The following SLC23A3 variants were observed in gnomAD, a reference collection of about 807,000 sequenced individuals.
SLC23A3 encodes solute carrier family 23 member 3, also known as E2-binding protein 3.
A neutral mutation model predicts 64.7 loss-of-function variants in SLC23A3; 41 were observed. That is an observed-to-expected ratio of 0.63 (90% CI 0.49 to 0.82). SLC23A3 has a LOEUF of 0.82. Ranked by LOEUF, SLC23A3 falls within the 40% of genes least tolerant of loss-of-function variation. The pLI, the probability that SLC23A3 is intolerant of heterozygous loss-of-function variation, is 0.00. For missense variants in SLC23A3, 647 were observed against 733.4 expected, an observed-to-expected ratio of 0.88 and a Z score of 1.36; for synonymous variants, 281 against 306.8, an observed-to-expected ratio of 0.92 and a Z score of 0.88.
At position 219,165,432 on chromosome 2, in the gene SLC23A3, G is replaced by C; in HGVS notation, c.914-10C>G. 1 of 1,540,908 alleles carries C rather than the reference G, an allele frequency of 6.5e-7. No homozygotes were observed. Among genetic ancestry groups the C allele is most frequent in the Non-Finnish European group, 8.7e-7 (1 of 1,143,746 alleles). ...GGCCAATTCCACTCACCTGGGGAGG[G>C]AGAAGAAGCCACTTTGGGGCCAGAC... On this transcript the variant is annotated splice_polypyrimidine_tract_variant and intron_variant, in intron 7 of 11. Transcript: ENST00000409878.
rs2106379996 is a variant in SLC23A3 at position 219,169,022 on chromosome 2, T to C, written c.492+7A>G. On this transcript the variant is annotated splice_region_variant and intron_variant, in intron 4 of 11. Coordinates refer to ENST00000409878, the MANE Select transcript of SLC23A3 (RefSeq NM_001144889.2). This position sits in a 1 kb window ranked among gnomAD's most constrained non-coding sequence, Gnocchi z 4.5. ...ACCCTTATCCCTTCTCACCTCCAGA[T>C]ACCCACCTCCTGGAGAGAAGTGTTC... 6.2e-7 allele frequency: 1 copy of C among 1,612,332 alleles called. No homozygotes were observed. Among genetic ancestry groups the C allele is most frequent in the East Asian group, 2.2e-5 (1 of 44,882 alleles).
Position 219,168,232 on chromosome 2 carries a change from G to A in SLC23A3, c.761C>T (p.Ser254Leu). Residue 254 changes from serine to leucine, a missense_variant, in exon 6 of 12, where the codon TCA (serine) becomes TTA (leucine). Physicochemically the swap from Ser to Leu is moderately radical, Grantham distance 145. Transcript: ENST00000409878. ...VCPWRRASTS[S>L]THTPLPVFRL... ...GAAGACAGGGAGAGGAGTGTGAGTT[G>A]ATGACGTTGAAGCTCGCCTCCAGGG... 6.2e-7 allele frequency: 1 copy of A among 1,614,074 alleles called. No individual in the cohort carries two copies. The highest frequency in any genetic ancestry group is 8.5e-7 in the Non-Finnish European group (1 of 1,179,968).
In SLC23A3 at chr2:219,169,951, G is replaced by A. The variant is rs762235085; in HGVS notation, c.34C>T (p.Arg12Ter). 10 of 1,613,932 alleles carry A rather than the reference G, an allele frequency of 6.2e-6. No homozygotes were observed. Among genetic ancestry groups the A allele is most frequent in the African/African-American group, 2.7e-5 (2 of 74,910 alleles). Reference sequence around the variant, plus strand: ...AGGGCATCCTGGGAGCCCACTGATCGGAGTTGGCTGGGATTGAGGGGTGAT... The same window carrying A: ...AGGGCATCCTGGGAGCCCACTGATCAGAGTTGGCTGGGATTGAGGGGTGAT... ...SRSPLNPSQL[R>*]SVGSQDALAP... Residue 12 changes from arginine to a stop codon, truncating the protein, a stop_gained, in exon 1 of 12, where the codon CGA becomes TGA. Transcript: ENST00000409878. LOFTEE classifies it high-confidence loss of function. The surrounding 1 kb of genome is among the most constrained non-coding windows in gnomAD (Gnocchi z 4.5).
rs1949946794 is a variant in SLC23A3 at position 219,161,927 on chromosome 2, C to G, written c.1815G>C (p.Gly605=). 1 of 1,575,914 alleles carries G rather than the reference C, an allele frequency of 6.3e-7. No individual in the cohort carries two copies. The highest frequency in any genetic ancestry group is 1.4e-5 in the African/African-American group (1 of 73,372). Residue 605 remains glycine (G), a synonymous_variant, in exon 12 of 12, where the codon GGG becomes GGC. Transcript: ENST00000409878. The part of the protein sequence containing the change: ...GEPCPESSRE[G]FRSQK ...GTTCTGGTCATTTCTGGGACCTAAA[C>G]CCTTCTCTGCTAGATTCAGGGCATG...
intron 7 of SLC23A3, among the ~76,000 whole-genome samples, chr2:219,167,131 C>T (rs1382047780): frequency 5.9e-5 from 9 of 152,080 alleles, no homozygotes; most frequent in African/African-American, 4.8e-5. Flanking sequence ...TGGTGGTGCA[C>T]GCTTGTAATC....
chr2:219,165,518 A>T, intron 7 of SLC23A3, 96 bp from the exon 8 acceptor site: 3 of 1,375,936 alleles, frequency 2.2e-6, no homozygotes, highest in Non-Finnish European at 2.9e-6. Flanking sequence ...AGATGCCTCA[A>T]TGTCTTTGAA....
Position 219,163,548 on chromosome 2 carries a change from C to T in SLC23A3, c.1281G>A (p.Val427=), listed in dbSNP as rs373333478. The T allele has an allele frequency of 4.6e-4, 736 of 1,614,146 alleles. 11 individuals carry two copies. The South Asian group carries it at 7.7e-3, about 17-fold the overall frequency. ...AAACCACAGCCTGGGTCACCCCCAG[C>T]ACCCCACCTGTCTCATACAGAAGAA... ...TTIPLPVVGG[V]LGVTQAVVLS... The change falls in exon 10 of 12, where the codon GTG becomes GTA. Residue 427 remains valine (V), a synonymous_variant. Transcript: ENST00000409878.
At chr2:219,162,416 C>T in intron 10 of SLC23A3, 22 bp from the exon 11 acceptor site, 1 of 1,582,734 alleles carries the variant, frequency 6.3e-7, no homozygotes, top group Non-Finnish European at 8.7e-7. Flanking sequence ...TGGGGCCAGG[C>T]AGGAAGGGAA....
chr2:219,168,775 C>T lies in SLC23A3; in HGVS notation c.551G>A (p.Ser184Asn). The T allele has an allele frequency of 6.2e-7, 1 of 1,609,534 alleles. No individual in the cohort carries two copies. The highest frequency in any genetic ancestry group is 8.5e-7 in the Non-Finnish European group (1 of 1,177,644). The change falls in exon 5 of 12, where the codon AGT (serine) becomes AAT (asparagine). Residue 184 changes from serine to asparagine, a missense_variant. By Grantham distance (46) the Ser-to-Asn change is conservative. Coordinates refer to ENST00000409878, the MANE Select transcript of SLC23A3 (RefSeq NM_001144889.2). ...ACAGTGGGGGAACACGTGGCCGGGA[C>T]TCCCCAGCAGCCCCATCATGCCCTG... ...LLQGMMGLLG[S>N]PGHVFPHCGP... is the part of the protein sequence containing the mutation.
At chr2:219,164,121 C>G (rs1046992518) in intron 9 of SLC23A3, 112 bp downstream of exon 9, 1 of 683,302 alleles carries the variant, frequency 1.5e-6, no homozygotes, top group Non-Finnish European at 2.6e-6. Flanking sequence ...CATCCATCCA[C>G]CCATCCATCC....
intron 7 of SLC23A3, among the ~76,000 whole-genome samples, chr2:219,166,942 A>G (rs925478107): frequency 1.3e-5 from 2 of 152,202 alleles, no homozygotes; most frequent in African/African-American, 2.4e-5. Flanking sequence ...GTATTCCCCA[A>G]TAGACTGTAA....
chr2:219,165,283 G>A lies in SLC23A3; in HGVS notation c.1053C>T (p.Ala351=), dbSNP rs1166493134. 3 of 1,551,676 alleles carry A rather than the reference G, an allele frequency of 1.9e-6. No homozygotes were observed. Among genetic ancestry groups the A allele is most frequent in the Non-Finnish European group, 2.6e-6 (3 of 1,147,020 alleles). The change falls in exon 8 of 12, where the codon GCC becomes GCT. Residue 351 remains alanine (A), a synonymous_variant. Coordinates refer to ENST00000409878, the MANE Select transcript of SLC23A3 (RefSeq NM_001144889.2). ...CCTCCAGGCTCAGCCCTCGACTGCAGGCATGTGGAGGTGGGGGAGGCAAAT... is the reference window on the plus strand; with the variant it reads ...CCTCCAGGCTCAGCCCTCGACTGCAAGCATGTGGAGGTGGGGGAGGCAAAT... ...LLHLPPPPPH[A]CSRGLSLEGL...
chr2:219,164,296 C>T lies in SLC23A3; in HGVS notation c.1210G>A (p.Val404Met), dbSNP rs750903971. 73 of 1,608,782 alleles carry T rather than the reference C, an allele frequency of 4.5e-5. No homozygotes were observed. Among genetic ancestry groups the T allele is most frequent in the South Asian group, 1.8e-4 (16 of 89,726 alleles). ...AACCTGGGGGAGAGTCCAAGCCCCACGCAGAGTAGCCCCACTAAGTGAGCC... is the reference window on the plus strand; with the variant it reads ...AACCTGGGGGAGAGTCCAAGCCCCATGCAGAGTAGCCCCACTAAGTGAGCC... ...QVAHLVGLLC[V>M]GLGLSPRLAQ... Residue 404 changes from valine to methionine, a missense_variant, in exon 9 of 12, where the codon GTG becomes ATG. Transcript: ENST00000409878.
intron 9 of SLC23A3, 127 bp from the exon 10 acceptor site, chr2:219,163,682 T>C: frequency 1.1e-6 from 1 of 921,358 alleles, no homozygotes; most frequent in African/African-American, 1.7e-5. Flanking sequence ...TTTTTGTTTT[T>C]TTTGTTTTTT....
intron 7 of SLC23A3, among the ~76,000 whole-genome samples, chr2:219,167,638 A>G (rs1174574751): frequency 6.7e-6 from 1 of 148,638 alleles, no homozygotes; most frequent in East Asian, 2.0e-4. Flanking sequence ...GCTACTCCGG[A>G]GGCTTAGGTG....
chr2:219,162,287 G>A lies in SLC23A3; in HGVS notation c.1537+12C>T. On this transcript the variant is annotated intron_variant, in intron 11 of 11. Coordinates refer to ENST00000409878, the MANE Select transcript of SLC23A3 (RefSeq NM_001144889.2). ...CCACTCCCCAGTCTGCTAGGGCCTA[G>A]CCTCAACTTACCAGGAATCGTGTTC... 4 of 1,614,036 alleles carry A rather than the reference G, an allele frequency of 2.5e-6. No individual in the cohort carries two copies. The highest frequency in any genetic ancestry group is 3.4e-6 in the Non-Finnish European group (4 of 1,179,930).
At position 219,161,693 on chromosome 2, in the gene SLC23A3, C is replaced by T. The variant is rs1219553807; in HGVS notation, c.*216G>A. ...GTACACAGGCAAAATCTCAATCATT[C>T]ATGGTCCACTAAATCATGGCCTCTG... On this transcript the variant is annotated 3_prime_UTR_variant, in exon 12 of 12. Coordinates refer to ENST00000409878, the MANE Select transcript of SLC23A3 (RefSeq NM_001144889.2). 4.4e-6 allele frequency: 2 copies of T among 452,902 alleles called. No individual in the cohort carries two copies. Among genetic ancestry groups the T allele is most frequent in the Admixed American group, 7.4e-5 (2 of 26,848 alleles). 28.1% of individuals were successfully genotyped at this position (452,902 alleles called of 1,614,324 possible). A position where few individuals can be genotyped will look rare whatever the true frequency, so the allele number is the denominator to read the frequency against.
chr2:219,165,385 C>T lies in SLC23A3; in HGVS notation c.951G>A (p.Leu317=), dbSNP rs1559209291. 1 of 1,551,072 alleles carries T rather than the reference C, an allele frequency of 6.4e-7. No individual in the cohort carries two copies. The highest frequency in any genetic ancestry group is 2.4e-5 in the East Asian group (1 of 40,898). The change falls in exon 8 of 12, where the codon CTG becomes CTA. Residue 317 remains leucine, a synonymous_variant. Coordinates refer to ENST00000409878, the MANE Select transcript of SLC23A3 (RefSeq NM_001144889.2). ...WNWPLLTPRA[L]AAGISMALAA... is the part of the protein sequence containing the mutation. ...CCAAGGCCATGGAGATGCCTGCAGCCAGAGCTCTGGGCGTCAGCAAAGGCC... is the reference window on the plus strand; with the variant it reads ...CCAAGGCCATGGAGATGCCTGCAGCTAGAGCTCTGGGCGTCAGCAAAGGCC...
Position 219,166,010 on chromosome 2 carries a change from G to A in SLC23A3, c.914-588C>T, listed in dbSNP as rs566914385. On this transcript the variant is annotated intron_variant, in intron 7 of 11. Transcript: ENST00000409878. Reference sequence around the variant, plus strand: ...TAGCCAGGCATGGTGGTGCATGCCTGTAATCCCAGCCACTTGGGAGGTGGA... The same window carrying A: ...TAGCCAGGCATGGTGGTGCATGCCTATAATCCCAGCCACTTGGGAGGTGGA... Among the ~76,000 whole-genome samples, 13 of 152,204 alleles carry A rather than the reference G, an allele frequency of 8.5e-5. No individual in the cohort carries two copies. The South Asian group carries it at 2.5e-3, about 29-fold the overall frequency.
Sources: allele counts gnomAD v4.1 joint callset (sites outside exome capture counted in the v4.1 genomes callset), GRCh38; gene constraint gnomAD v4.1.1; non-coding constraint Gnocchi (gnomAD v3.1); transcripts MANE v1.5; gene names NCBI Gene and HGNC (gene_info 2026-07-23, HGNC 2026-07-21).